Variants in PLEKHH2 observed in about 807,000 individuals in gnomAD.
PLEKHH2 encodes the protein pleckstrin homology domain-containing family H member 2.
PLEKHH2 carries 129 observed loss-of-function variants against 187.9 expected under a neutral mutation model. The observed-to-expected ratio is 0.69, with a 90% CI of 0.59 to 0.79. PLEKHH2 has a LOEUF of 0.79. Among genes scored for constraint, PLEKHH2 ranks in the 30% least tolerant of loss-of-function variants. The probability of loss-of-function intolerance (pLI) is 0.00; values close to 1 mark genes in which losing one functional copy is unlikely to be tolerated. For missense variants in PLEKHH2, 2,076 were observed against 1,751.2 expected, an observed-to-expected ratio of 1.19 and a Z score of -3.31; for synonymous variants, 686 against 605.6, an observed-to-expected ratio of 1.13 and a Z score of -1.95.
At chr2:43,743,031 C>A (rs1671640652) in intron 22 of PLEKHH2, 113 bp downstream of exon 22, 3 of 771,920 alleles carry the variant, frequency 3.9e-6, no homozygotes, top group Middle Eastern at 2.6e-4. Context: ...GACAAACATG[C>A]AAATATATTA....
intron 3 of PLEKHH2, among the ~76,000 whole-genome samples, chr2:43,690,133 G>A (rs146196072): frequency 1.3e-5 from 2 of 152,304 alleles, no homozygotes; most frequent in Admixed American, 6.5e-5. Context: ...AATGTCGTAT[G>A]TGGAACTGGC....
At chr2:43,673,132 A>T (rs1288906931) in intron 2 of PLEKHH2, among the ~76,000 whole-genome samples, 1 of 152,192 alleles carries the variant, frequency 6.6e-6, no homozygotes, top group African/African-American at 2.4e-5. Context: ...CCTCCTGTAC[A>T]CATCACCCAG....
intron 2 of PLEKHH2, 61 bp from the exon 3 acceptor site, chr2:43,678,802 T>A: frequency 7.5e-7 from 1 of 1,326,528 alleles, no homozygotes; most frequent in Non-Finnish European, 1.1e-6. Flanking sequence ...TAAAGCCTTT[T>A]TCAGAAAGGC....
chr2:43,691,435 G>A (rs934297347), intron 3 of PLEKHH2, among the ~76,000 whole-genome samples: 4 of 152,216 alleles, frequency 2.6e-5, no homozygotes, highest in African/African-American at 9.7e-5. Flanking sequence ...TCACTCAAAA[G>A]TGGGCATGAT....
chr2:43,736,944 A>G (rs1358971294), intron 19 of PLEKHH2, among the ~76,000 whole-genome samples: 1 of 152,198 alleles, frequency 6.6e-6, no homozygotes, highest in African/African-American at 2.4e-5. Context: ...ATGTGCGGAA[A>G]GTACCTGAGG....
At chr2:43,733,784 ATGGGTGAT>A (rs1011389135) in intron 19 of PLEKHH2, among the ~76,000 whole-genome samples, 57 of 152,302 alleles carry the variant, frequency 3.7e-4, no homozygotes, top group Admixed American at 3.4e-3. Context: ...TGATGGGTAC[ATGGGTGAT>A]TATTATGCTG....
At chr2:43,749,681 T>A (rs1166605151) in intron 24 of PLEKHH2, among the ~76,000 whole-genome samples, 1 of 152,254 alleles carries the variant, frequency 6.6e-6, no homozygotes, top group Non-Finnish European at 1.5e-5. Context: ...GCCACAGCTA[T>A]GAGAAAGTAA....
chr2:43,686,572 C>T (rs1325029577), intron 3 of PLEKHH2, among the ~76,000 whole-genome samples: 2 of 152,176 alleles, frequency 1.3e-5, no homozygotes, highest in South Asian at 4.1e-4. Context: ...ATGGATATTA[C>T]ATTGCAATGC....
chr2:43,712,187 A>G (rs1052460196), intron 14 of PLEKHH2, 38 bp from the exon 15 acceptor site: 1 of 1,589,612 alleles, frequency 6.3e-7, no homozygotes, highest in African/African-American at 1.3e-5. Flanking sequence ...CTAAATCTTC[A>G]CAGTTTTCTT....
chr2:43,757,451 G>A (rs1017194870), intron 26 of PLEKHH2, among the ~76,000 whole-genome samples, 187 bp downstream of exon 26: 15 of 138,170 alleles, frequency 1.1e-4, no homozygotes, highest in Admixed American at 1.6e-4. Context: ...ACGGAGTCTC[G>A]CTCTGTCGCC....
intron 26 of PLEKHH2, among the ~76,000 whole-genome samples, chr2:43,758,311 G>C (rs1263429163): frequency 1.3e-5 from 2 of 152,164 alleles, no homozygotes; most frequent in African/African-American, 2.4e-5. Flanking sequence ...GTAGTGCAAT[G>C]GGGTGATCTC....
At chr2:43,726,196 G>T in intron 16 of PLEKHH2, 76 bp from the exon 17 acceptor site, 7 of 925,814 alleles carry the variant, frequency 7.6e-6, no homozygotes, top group Non-Finnish European at 1.1e-5. Flanking sequence ...ATTTAAAAAT[G>T]AAAAGGACTA....
chr2:43,736,635 A>G (rs1162733930), intron 19 of PLEKHH2, among the ~76,000 whole-genome samples: 1 of 152,062 alleles, frequency 6.6e-6, no homozygotes, highest in Non-Finnish European at 1.5e-5. Context: ...GGAGTTCGAG[A>G]CCAGCCTGGC....
At chr2:43,712,700 T>A (rs1468765817) in intron 15 of PLEKHH2, among the ~76,000 whole-genome samples, 2 of 152,110 alleles carry the variant, frequency 1.3e-5, no homozygotes, top group Non-Finnish European at 2.9e-5. Flanking sequence ...ATTTAACACG[T>A]TTTTTTCTAA....
intron 27 of PLEKHH2, among the ~76,000 whole-genome samples, chr2:43,762,050 A>C (rs1302314730): frequency 6.6e-6 from 1 of 152,206 alleles, no homozygotes; most frequent in African/African-American, 2.4e-5. Context: ...TTGAGCCTCA[A>C]ACAGATTCAG....
chr2:43,743,700 G>GA, intron 22 of PLEKHH2, 134 bp from the exon 23 acceptor site: 5 of 867,114 alleles, frequency 5.8e-6, no homozygotes, highest in African/African-American at 1.7e-5. Flanking sequence ...GGAGCTTTGG[G>GA]AAAAAAAGTT....
chr2:43,715,191 G>T (rs182076428), intron 15 of PLEKHH2, among the ~76,000 whole-genome samples: 2 of 151,922 alleles, frequency 1.3e-5, no homozygotes, highest in East Asian at 1.9e-4. Flanking sequence ...CAGGAGAATC[G>T]CCTGAACTTG....
chr2:43,653,130 AAC>A (rs1666571142), intron 2 of PLEKHH2, among the ~76,000 whole-genome samples: 1 of 152,166 alleles, frequency 6.6e-6, no homozygotes, highest in South Asian at 2.1e-4. Flanking sequence ...AAATAAATGA[AAC>A]AATACAAGAA....
rs866990001 is a variant in PLEKHH2 at position 43,700,129 on chromosome 2, C to A, written c.1171C>A (p.Gln391Lys). The change falls in exon 8 of 30, where the codon CAA (glutamine) becomes AAA (lysine). Residue 391 changes from glutamine to lysine, a missense_variant. Transcript: ENST00000282406. ...CTCGGATGAACTGAATAAAAAATTT[C>A]AATCCCAGAGACTCGATTATTCATC... Reference protein sequence around the residue: ...SSSDELNKKFQSQRLDYSSSS... With the variant: ...SSSDELNKKFKSQRLDYSSSS... The A allele has an allele frequency of 1.9e-6, 3 of 1,613,996 alleles. No homozygotes were observed. Among genetic ancestry groups the A allele is most frequent in the Non-Finnish European group, 2.5e-6 (3 of 1,180,032 alleles).
Sources: allele counts gnomAD v4.1 joint callset (sites outside exome capture counted in the v4.1 genomes callset), GRCh38; gene constraint gnomAD v4.1.1; transcripts MANE v1.5; gene names NCBI Gene and HGNC (gene_info 2026-07-23, HGNC 2026-07-21).